HLA-DQB1: variants seen among roughly 807,000 people sequenced by gnomAD.
The protein encoded by HLA-DQB1 is HLA class II histocompatibility antigen, DQ beta 1 chain.
Under a neutral mutation model 26.4 loss-of-function variants are expected in HLA-DQB1, and 13 were observed. The observed-to-expected ratio is 0.49, with a 90% CI of 0.32 to 0.78. The LOEUF (loss-of-function observed/expected upper bound fraction) is 0.78, where lower values mean the gene tolerates loss of function less well. Ranked by LOEUF, HLA-DQB1 falls within the 30% of genes least tolerant of loss-of-function variation. HLA-DQB1 has a pLI of 0.03. For synonymous variants in HLA-DQB1, 60 were observed against 129.1 expected, an observed-to-expected ratio of 0.46 and a Z score of 3.63; for missense variants, 158 against 326.2, an observed-to-expected ratio of 0.48 and a Z score of 3.97.
At chr6:32,666,247 T>G (rs9274500) in intron 1 of HLA-DQB1, among the ~76,000 whole-genome samples, 2 of 130,392 alleles carry the variant, frequency 1.5e-5, no homozygotes, top group Non-Finnish European at 3.3e-5. Flanking sequence ...GTAGTAAATG[T>G]ACACTTTATC....
intron 1 of HLA-DQB1, 152 bp from the exon 2 acceptor site, chr6:32,665,219 G>C (rs281861926): frequency 2.2e-6 from 1 of 460,876 alleles, no homozygotes; most frequent in Non-Finnish European, 3.6e-6. Flanking sequence ...TCCTCCCGGC[G>C]GCTCTGCCCA....
chr6:32,666,306 TG>T (rs368359746), intron 1 of HLA-DQB1, among the ~76,000 whole-genome samples, 192 bp downstream of exon 1: 56,480 of 149,616 alleles, frequency 0.38, 11,136 homozygotes, highest in Middle Eastern at 0.54. Context: ...GCCTGTAGGA[TG>T]GGGATTGGAT....
rs281864149 is a variant in HLA-DQB1 at position 32,661,936 on chromosome 6, C to T, written c.661+31G>A. 8 of 1,417,218 alleles carry T rather than the reference C, an allele frequency of 5.6e-6. No individual in the cohort carries two copies. The African/African-American group carries it at 1.0e-4, about 18-fold the overall frequency. The allele number at this position is 1,417,218 out of a possible 1,614,324, so 87.8% of individuals were successfully genotyped here. ...AGAAGGAGCTCTTTGTCTTGTGGGC[C>T]CATAGTAACAGAAACTCAATATCCC... On this transcript the variant is annotated intron_variant, in intron 3 of 4. Coordinates refer to ENST00000434651, the Ensembl canonical transcript of HLA-DQB1.
rs118117192 is a variant in HLA-DQB1, at chr6:32,665,433, A to T, written c.110-366T>A. Among the ~76,000 whole-genome samples the T allele has an allele frequency of 0.018, 2,452 of 137,492 alleles. 473 individuals carry two copies. The East Asian group carries it at 0.19, about 11-fold the overall frequency. 90.2% of individuals were successfully genotyped at this position (137,492 alleles called of 152,430 possible). On this transcript the variant is annotated intron_variant, in intron 1 of 4. Transcript: ENST00000434651. ...GAAGCTCCTGGATACCTCAGAGATA[A>T]AGTTATCCACATAAATCTGAGAGTT...
At chr6:32,661,786 A>G (rs1783071843) in intron 3 of HLA-DQB1, 181 bp downstream of exon 3, 2 of 574,258 alleles carry the variant, frequency 3.5e-6, no homozygotes, top group Non-Finnish European at 6.0e-6. Flanking sequence ...TTTCCCTAGC[A>G]TCTGGAAAGG....
At chr6:32,665,376 A>G (rs67303455) in intron 1 of HLA-DQB1, among the ~76,000 whole-genome samples, 27,703 of 140,560 alleles carry the variant, frequency 0.2, 4,311 homozygotes, top group South Asian at 0.24. Flanking sequence ...TAGAGGGATC[A>G]GGGCGTTCTC....
intron 3 of HLA-DQB1, chr6:32,661,661 T>C (rs9273772): frequency 0.3 from 112,163 of 374,752 alleles, 32,635 homozygotes; most frequent in Middle Eastern, 0.32. Flanking sequence ...AGCAAATCTC[T>C]GCTCTTCAAG....
chr6:32,664,615 C>G (rs1783744586), intron 2 of HLA-DQB1, 183 bp downstream of exon 2: 1 of 317,486 alleles, frequency 3.1e-6, no homozygotes, highest in Admixed American at 6.4e-5. Context: ...TGTCCCCCTG[C>G]TCTGCCCTAG....
Position 32,663,373 on chromosome 6 carries a change from G to A in HLA-DQB1, c.380-1125C>T, listed in dbSNP as rs281863351. The A allele has an allele frequency of 1.3e-4, 11 of 86,472 alleles. 1 individual carries two copies. Among genetic ancestry groups the A allele is most frequent in the African/African-American group, 4.3e-4 (10 of 23,362 alleles). The allele number at this position is 86,472 out of a possible 1,614,324, so 5.4% of individuals were successfully genotyped here. ...TTTGTGAACCTGCATAGATAACACC[G>A]GGGTCAGACTAGGGATTGATTAATC... On this transcript the variant is annotated intron_variant, in intron 2 of 4. Coordinates refer to ENST00000434651, the Ensembl canonical transcript of HLA-DQB1.
chr6:32,665,111 GC>G (rs1562015004), intron 1 of HLA-DQB1, 44 bp from the exon 2 acceptor site: 4 of 900,402 alleles, frequency 4.4e-6, no homozygotes, highest in Non-Finnish European at 5.9e-6. Context: ...CAGCCCGGCC[GC>G]CCCCGCAGCC....
chr6:32,661,595 G>A (rs9273736), intron 3 of HLA-DQB1, 138 bp from the exon 4 acceptor site: 133,922 of 495,808 alleles, frequency 0.27, 34,445 homozygotes, highest in South Asian at 0.36. Flanking sequence ...CCCCTAAGGA[G>A]GGGAAAGACC....
chr6:32,661,967 G>A (rs63267060), exon 3 of HLA-DQB1: 3 of 1,536,426 alleles, frequency 2.0e-6, no homozygotes, highest in Middle Eastern at 1.7e-4. Flanking sequence ...ATCCCCTTAC[G>A]CCACTCCACG....
intron 2 of HLA-DQB1, 167 bp downstream of exon 2, chr6:32,664,631 C>T (rs9274349): frequency 0.025 from 6,682 of 272,158 alleles, 1,400 homozygotes; most frequent in Admixed American, 0.05. Context: ...CCTAGGTCCC[C>T]GCCCCTCCGA....
chr6:32,666,451 GCC>G (rs1784169739), intron 1 of HLA-DQB1, 46 bp downstream of exon 1: 1 of 696,608 alleles, frequency 1.4e-6, no homozygotes, highest in African/African-American at 1.8e-5. Context: ...CCCAAGGAGA[GCC>G]TGTTCCCAGA....
intron 3 of HLA-DQB1, chr6:32,661,670 A>G (rs9273781): frequency 0.66 from 254,687 of 384,416 alleles, 102,067 homozygotes; most frequent in South Asian, 0.83. Flanking sequence ...CTGCTCTTCA[A>G]GAACTCATCC....
chr6:32,665,112 C>CCCGGCCT, intron 1 of HLA-DQB1, 45 bp from the exon 2 acceptor site: 1 of 1,021,104 alleles, frequency 9.8e-7, no homozygotes, highest in Non-Finnish European at 1.3e-6. Flanking sequence ...AGCCCGGCCG[C>CCCGGCCT]CCCCGCAGCC....
intron 4 of HLA-DQB1, chr6:32,660,540 G>T: frequency 2.9e-6 from 1 of 346,152 alleles, no homozygotes; most frequent in Non-Finnish European, 5.2e-6. Flanking sequence ...ACCACTAGCA[G>T]CCTCTTTCAG....
In HLA-DQB1 at chr6:32,661,487, G is replaced by C. The variant is rs1783003533; in HGVS notation, c.662-30C>G. The C allele has an allele frequency of 2.8e-6, 3 of 1,066,054 alleles. No individual in the cohort carries two copies. The African/African-American group carries it at 5.0e-5, about 18-fold the overall frequency. 66.0% of individuals were successfully genotyped at this position (1,066,054 alleles called of 1,614,324 possible). A position where few individuals can be genotyped will look rare whatever the true frequency, so the allele number is the denominator to read the frequency against. On this transcript the variant is annotated intron_variant, in intron 3 of 4. Transcript: ENST00000434651. ...AGAGCAGAACTGAGTGTCTGTGTTTGTCCCCACACCCCATAGCATCCCTGC... is the reference window on the plus strand; with the variant it reads ...AGAGCAGAACTGAGTGTCTGTGTTTCTCCCCACACCCCATAGCATCCCTGC...
At chr6:32,661,640 G>C (rs9273757) in intron 3 of HLA-DQB1, 183 bp from the exon 4 acceptor site, 115,080 of 425,774 alleles carry the variant, frequency 0.27, 33,474 homozygotes, top group South Asian at 0.31. Flanking sequence ...GAATAGGTGA[G>C]AGAGTGGGGA....
Sources: allele counts gnomAD v4.1 joint callset (sites outside exome capture counted in the v4.1 genomes callset), GRCh38; gene constraint gnomAD v4.1.1; transcripts MANE v1.5; gene names NCBI Gene and HGNC (gene_info 2026-07-23, HGNC 2026-07-21).